The following AFF3 variants were observed in gnomAD, a reference collection of about 807,000 sequenced individuals.
AFF3 encodes the protein ALF transcription elongation factor 3.
Under a neutral mutation model 129.7 loss-of-function variants are expected in AFF3, and 32 were observed. The observed-to-expected ratio is 0.25, with a 90% CI of 0.19 to 0.33. The LOEUF is 0.33. Ranked by LOEUF, AFF3 falls within the 10% of genes least tolerant of loss-of-function variation. AFF3 has a pLI of 1.00. For synonymous variants in AFF3, 644 were observed against 635.4 expected (o/e 1.01, Z -0.20); for missense variants, 1,373 against 1,592.0 (o/e 0.86, Z 2.34).
At position 99,952,687 on chromosome 2, in the gene AFF3, A is replaced by G. The variant is rs571783465; in HGVS notation, c.873+53945T>C. ...ATCTTAACGATACTATTTATGATGAAAAGGGTGAGCCTGCAGAAGCCCTCT... is the reference window on the plus strand; with the variant it reads ...ATCTTAACGATACTATTTATGATGAGAAGGGTGAGCCTGCAGAAGCCCTCT... On this transcript the variant is annotated intron_variant, in intron 7 of 24. Transcript: ENST00000672756. Among the ~76,000 whole-genome samples the G allele has an allele frequency of 5.3e-5, 8 of 152,334 alleles. No individual in the cohort carries two copies. In the South Asian group the frequency reaches 1.7e-3, roughly 32 times the overall value.
At chr2:100,072,973 G>T (rs1416982842) in intron 4 of AFF3, among the ~76,000 whole-genome samples, 1 of 152,166 alleles carries the variant, frequency 6.6e-6, no homozygotes, top group Non-Finnish European at 1.5e-5. Context: ...ATGAGACATT[G>T]TTCACTGCAA....
In AFF3 at chr2:99,554,302, T is replaced by C. The variant is rs550423965; in HGVS notation, c.3559+9A>G. The C allele has an allele frequency of 5.1e-5, 82 of 1,614,134 alleles. No individual in the cohort carries two copies. The South Asian group carries it at 8.3e-4, about 16-fold the overall frequency. On this transcript the variant is annotated intron_variant, in intron 24 of 24. Transcript: ENST00000672756. Reference sequence around the variant, plus strand: ...GAAGCCCCTGGTTCCCCGTGGGGTGTGCGCTCACCTCGGTTTTCCTTGGCC... The same window carrying C: ...GAAGCCCCTGGTTCCCCGTGGGGTGCGCGCTCACCTCGGTTTTCCTTGGCC...
chr2:100,069,469 A>G (rs573184358), intron 4 of AFF3, among the ~76,000 whole-genome samples: 1 of 152,352 alleles, frequency 6.6e-6, no homozygotes, highest in South Asian at 2.1e-4. Context: ...AGTCATGGAG[A>G]TATTTAAATA....
intron 13 of AFF3, among the ~76,000 whole-genome samples, chr2:99,616,963 A>G (rs1681497265): frequency 6.6e-6 from 1 of 152,202 alleles, no homozygotes; most frequent in Non-Finnish European, 1.5e-5. Flanking sequence ...TTCAAGGGTC[A>G]TCTATACTGT....
chr2:100,078,410 T>G (rs562544177), intron 4 of AFF3, among the ~76,000 whole-genome samples: 3 of 152,258 alleles, frequency 2.0e-5, no homozygotes, highest in African/African-American at 7.2e-5. Context: ...AATCATAGAT[T>G]TAGAGTTGGA....
intron 7 of AFF3, among the ~76,000 whole-genome samples, chr2:99,933,495 C>T (rs1018888271): frequency 6.6e-6 from 1 of 152,046 alleles, no homozygotes; most frequent in Admixed American, 6.6e-5. Flanking sequence ...CCTTGCCCCC[C>T]ACCCCCCGAC....
At chr2:99,836,356 C>T (rs1688872781) in intron 8 of AFF3, among the ~76,000 whole-genome samples, 1 of 152,032 alleles carries the variant, frequency 6.6e-6, no homozygotes, top group Non-Finnish European at 1.5e-5. Flanking sequence ...GGAAACAAAG[C>T]CCCAGAATAG....
At chr2:99,670,982 A>ACATGTATAG (rs1218382264) in intron 12 of AFF3, among the ~76,000 whole-genome samples, 1 of 152,228 alleles carries the variant, frequency 6.6e-6, no homozygotes, top group African/African-American at 2.4e-5. Flanking sequence ...GCCTTAGAGA[A>ACATGTATAG]CATGTATAGT....
chr2:99,692,821 A>G (rs1675811869), intron 11 of AFF3, among the ~76,000 whole-genome samples: 1 of 152,260 alleles, frequency 6.6e-6, no homozygotes, highest in Non-Finnish European at 1.5e-5. Flanking sequence ...GTTATCAGGC[A>G]CTAACCTAAT....
intron 7 of AFF3, among the ~76,000 whole-genome samples, chr2:99,902,385 C>T (rs994764176): frequency 2.0e-5 from 3 of 152,024 alleles, no homozygotes; most frequent in South Asian, 2.1e-4. Flanking sequence ...CTCTTCTGAA[C>T]GTTTTAAATG....
At chr2:100,108,610 T>C (rs951589474) in intron 2 of AFF3, among the ~76,000 whole-genome samples, 2 of 152,110 alleles carry the variant, frequency 1.3e-5, no homozygotes, top group Non-Finnish European at 2.9e-5. Context: ...TCTAAGGACA[T>C]ACTCCCTGCA....
At chr2:99,946,276 C>T (rs947594802) in intron 7 of AFF3, among the ~76,000 whole-genome samples, 2 of 151,588 alleles carry the variant, frequency 1.3e-5, no homozygotes, top group African/African-American at 4.8e-5. Flanking sequence ...AGTTTGAAAC[C>T]AGCTTGGCCA....
At chr2:99,989,016 C>T (rs1176482755) in intron 7 of AFF3, among the ~76,000 whole-genome samples, 1 of 152,112 alleles carries the variant, frequency 6.6e-6, no homozygotes, top group African/African-American at 2.4e-5. Flanking sequence ...AAGGAATTCA[C>T]AACGGATTAG....
chr2:99,780,034 G>T (rs1684265808), intron 8 of AFF3, among the ~76,000 whole-genome samples: 4 of 152,200 alleles, frequency 2.6e-5, no homozygotes, highest in South Asian at 2.1e-4. Flanking sequence ...AAGGACTACT[G>T]AAGTGTCTAA....
Position 99,549,670 on chromosome 2 carries a change from G to A in AFF3, c.*1804C>T. 1 of 213,052 alleles carries A rather than the reference G, an allele frequency of 4.7e-6. No homozygotes were observed. 13.2% of individuals were successfully genotyped at this position (213,052 alleles called of 1,614,324 possible). A position where few individuals can be genotyped will look rare whatever the true frequency, so the allele number is the denominator to read the frequency against. On this transcript the variant is annotated 3_prime_UTR_variant, in exon 25 of 25. Coordinates refer to ENST00000672756, the MANE Select transcript of AFF3 (RefSeq NM_001386135.1). ...TCTTAATATTTCCAAATGCTTGAAGGCCAAAGCCAAATGCAAATTCCACAA... is the reference window on the plus strand; with the variant it reads ...TCTTAATATTTCCAAATGCTTGAAGACCAAAGCCAAATGCAAATTCCACAA...
chr2:100,106,675 T>G, intron 2 of AFF3: 1 of 986,184 alleles, frequency 1.0e-6, no homozygotes, highest in Non-Finnish European at 1.2e-6. Flanking sequence ...CTGGGAAGCT[T>G]CTTCAGAAAG....
intron 10 of AFF3, 75 bp downstream of exon 10, chr2:99,744,029 A>G: frequency 7.6e-6 from 10 of 1,314,310 alleles, no homozygotes; most frequent in Non-Finnish European, 1.1e-5. Context: ...ATGTGTGCTC[A>G]TCCTCCCTCC....
intron 13 of AFF3, among the ~76,000 whole-genome samples, chr2:99,642,056 G>A (rs1684251324): frequency 6.6e-6 from 1 of 152,160 alleles, no homozygotes. Flanking sequence ...GAATGAAGAA[G>A]TACAAATGCA....
chr2:99,738,974 C>T (rs1490572477), intron 10 of AFF3, among the ~76,000 whole-genome samples: 1 of 147,272 alleles, frequency 6.8e-6, no homozygotes, highest in African/African-American at 2.5e-5. Context: ...TTCTGTTTCT[C>T]TCTTTGGTAT....
Sources: allele counts gnomAD v4.1 joint callset (sites outside exome capture counted in the v4.1 genomes callset), GRCh38; gene constraint gnomAD v4.1.1; transcripts MANE v1.5; gene names NCBI Gene and HGNC (gene_info 2026-07-23, HGNC 2026-07-21).